Variants in POLR1A observed in about 807,000 individuals in gnomAD.
POLR1A encodes DNA-directed RNA polymerase I subunit RPA1.
In POLR1A, 84 loss-of-function variants were observed where a neutral mutation model predicts 205.3. That is an observed-to-expected ratio of 0.41 (90% confidence interval 0.34 to 0.49). The LOEUF (loss-of-function observed/expected upper bound fraction) is 0.49, where lower values mean the gene tolerates loss of function less well. Among genes scored for constraint, POLR1A ranks in the 20% least tolerant of loss-of-function variants. The pLI is 0.22. For missense variants in POLR1A, 1,645 were observed against 2,204.5 expected, an observed-to-expected ratio of 0.75 and a Z score of 5.08; for synonymous variants, 799 against 863.7, an observed-to-expected ratio of 0.93 and a Z score of 1.31.
At chr2:86,039,484 T>C (rs1672560941) in intron 25 of POLR1A, 22 bp from the exon 26 acceptor site, 1 of 1,613,860 alleles carries the variant, frequency 6.2e-7, no homozygotes, top group African/African-American at 1.3e-5. Context: ...TAAGGGCACA[T>C]CCAATCATGA....
At chr2:86,041,816 G>C in intron 24 of POLR1A, 73 bp downstream of exon 24, 3 of 1,305,096 alleles carry the variant, frequency 2.3e-6, no homozygotes, top group Non-Finnish European at 3.3e-6. Flanking sequence ...GAGTGAGTAG[G>C]GCAGGGGCTA....
At position 86,054,284 on chromosome 2, in the gene POLR1A, C is replaced by T. The variant is rs1051629016; in HGVS notation, c.2064G>A (p.Val688=). The change falls in exon 15 of 34, where the codon GTG becomes GTA. Residue 688 remains valine (V), a synonymous_variant. Transcript: ENST00000263857. ...PFPLWTGKQV[V]STLLINIIPE... ...GGATTATATTTATGAGCAGCGTTGA[C>T]ACAACCTGCAAAGAAAAAGAGGACA... is the stretch of plus-strand genomic sequence containing the variant. 1.2e-6 allele frequency: 2 copies of T among 1,613,782 alleles called. No individual in the cohort carries two copies. Among genetic ancestry groups the T allele is most frequent in the Non-Finnish European group, 1.7e-6 (2 of 1,179,766 alleles).
chr2:86,071,285 C>CCTCA (rs2104413956), intron 12 of POLR1A, among the ~76,000 whole-genome samples: 1 of 151,156 alleles, frequency 6.6e-6, no homozygotes, highest in South Asian at 2.1e-4. Context: ...GTGGTTGGAT[C>CCTCA]CTCACTAGGC....
chr2:86,098,749 C>T lies in POLR1A; in HGVS notation c.294G>A (p.Leu98=), dbSNP rs1468092948. ...AGTTTAAACAAGAGCCCCGAAGCAGCAGGTACAGCTTCTGAAGAGAGGGAA... is the reference window on the plus strand; with the variant it reads ...AGTTTAAACAAGAGCCCCGAAGCAGTAGGTACAGCTTCTGAAGAGAGGGAA... ...YNPLLFDKLY[L]LLRGSCLNCH... Residue 98 remains leucine, a synonymous_variant, in exon 3 of 34, where the codon CTG becomes CTA. Transcript: ENST00000263857. 1 of 1,613,896 alleles carries T rather than the reference C, an allele frequency of 6.2e-7. No individual in the cohort carries two copies. Among genetic ancestry groups the T allele is most frequent in the East Asian group, 2.2e-5 (1 of 44,870 alleles).
intron 14 of POLR1A, among the ~76,000 whole-genome samples, chr2:86,060,283 T>C (rs1174865502): frequency 6.6e-6 from 1 of 152,204 alleles, no homozygotes; most frequent in Admixed American, 6.5e-5. Context: ...TAGCAGGTAT[T>C]TGTGTGCACA....
At chr2:86,057,677 TTAAG>T (rs1237773589) in intron 14 of POLR1A, among the ~76,000 whole-genome samples, 19 of 152,268 alleles carry the variant, frequency 1.2e-4, no homozygotes, top group East Asian at 3.9e-4. Flanking sequence ...CTGGAAAACA[TTAAG>T]TAAAAGAAAT....
chr2:86,094,020 C>T (rs566407765), intron 3 of POLR1A, among the ~76,000 whole-genome samples: 1 of 152,294 alleles, frequency 6.6e-6, no homozygotes, highest in South Asian at 2.1e-4. Flanking sequence ...TGATCAGATT[C>T]GGCTAACACA....
At chr2:86,078,433 C>T (rs895912766) in intron 9 of POLR1A, 149 bp from the exon 10 acceptor site, 21 of 593,584 alleles carry the variant, frequency 3.5e-5, no homozygotes, top group Admixed American at 7.0e-5. Flanking sequence ...GACAAACATG[C>T]TAATAAATCA....
At chr2:86,033,527 G>A in intron 28 of POLR1A, 134 bp downstream of exon 28, 1 of 1,019,838 alleles carries the variant, frequency 9.8e-7, no homozygotes, top group Non-Finnish European at 1.4e-6. Flanking sequence ...CAGAACAGCA[G>A]GTAAAAGCTG....
intron 3 of POLR1A, among the ~76,000 whole-genome samples, chr2:86,097,264 G>C (rs1267776395): frequency 7.5e-6 from 1 of 132,932 alleles, no homozygotes; most frequent in Admixed American, 7.6e-5. Context: ...TGAGGATGTG[G>C]AGAAAAGGGA....
intron 13 of POLR1A, among the ~76,000 whole-genome samples, chr2:86,068,700 A>C (rs1474642963): frequency 6.6e-6 from 1 of 152,174 alleles, no homozygotes; most frequent in Non-Finnish European, 1.5e-5. Context: ...TTCTTCCTAC[A>C]TTTAGTCCCT....
At chr2:86,060,665 T>C (rs1264401163) in intron 14 of POLR1A, among the ~76,000 whole-genome samples, 2 of 152,126 alleles carry the variant, frequency 1.3e-5, no homozygotes, top group Non-Finnish European at 2.9e-5. Flanking sequence ...CTACCTCACT[T>C]CATGCACATC....
At chr2:86,038,488 G>A (rs766590201) in intron 27 of POLR1A, among the ~76,000 whole-genome samples, 33 of 152,196 alleles carry the variant, frequency 2.2e-4, no homozygotes, top group Non-Finnish European at 4.1e-4. Context: ...AGGGAGTGAC[G>A]TGTGGCTAAG....
In POLR1A at chr2:86,038,683, A is replaced by G. The variant is rs373662974; in HGVS notation, c.4034+17T>C. On this transcript the variant is annotated intron_variant, in intron 27 of 33. Coordinates refer to ENST00000263857, the MANE Select transcript of POLR1A (RefSeq NM_015425.6). ...CTCTGGGTCAAGGTCAATGACAATC[A>G]CAGCCTGAGCCCTGACCTTGTTTCC... The G allele has an allele frequency of 1.2e-6, 2 of 1,611,988 alleles. No individual in the cohort carries two copies.
At chr2:86,035,177 ATTATTTT>A (rs1243359183) in intron 27 of POLR1A, among the ~76,000 whole-genome samples, 1 of 152,164 alleles carries the variant, frequency 6.6e-6, no homozygotes, top group African/African-American at 2.4e-5. Flanking sequence ...AGACCCCAAT[ATTATTTT>A]TTAACTTTTT....
At chr2:86,060,222 G>T (rs1672971062) in intron 14 of POLR1A, among the ~76,000 whole-genome samples, 1 of 152,132 alleles carries the variant, frequency 6.6e-6, no homozygotes. Flanking sequence ...TAAATACGTT[G>T]ATTCTCCCTA....
Position 86,054,288 on chromosome 2 carries a change from A to G in POLR1A, c.2060T>C (p.Val687Ala), listed in dbSNP as rs1418331981. 6.2e-7 allele frequency: 1 copy of G among 1,613,698 alleles called. No individual in the cohort carries two copies. Among genetic ancestry groups the G allele is most frequent in the Admixed American group, 1.7e-5 (1 of 60,004 alleles). Residue 687 changes from valine (V) to alanine (A), a missense_variant and splice_region_variant, in exon 15 of 34, where the codon GTT becomes GCT. Val to Ala is a moderately conservative substitution (Grantham distance 64). Coordinates refer to ENST00000263857, the MANE Select transcript of POLR1A (RefSeq NM_015425.6). ...KPFPLWTGKQ[V>A]VSTLLINIIP... ...TATATTTATGAGCAGCGTTGACACA[A>G]CCTGCAAAGAAAAAGAGGACAAACT...
At chr2:86,067,376 C>T (rs1339648784) in intron 13 of POLR1A, among the ~76,000 whole-genome samples, 1 of 152,112 alleles carries the variant, frequency 6.6e-6, no homozygotes, top group East Asian at 1.9e-4. Context: ...AGTCAGGAAA[C>T]ATATCTGAAG....
chr2:86,084,762 G>T (rs1160208771), intron 6 of POLR1A, among the ~76,000 whole-genome samples: 1 of 150,208 alleles, frequency 6.7e-6, no homozygotes, highest in Non-Finnish European at 1.5e-5. Context: ...CGCCTCCCAG[G>T]TTCATGCGAT....
Sources: gnomAD v4.1 joint callset for allele counts (sites outside exome capture counted in the v4.1 genomes callset) on GRCh38, gnomAD v4.1.1 for gene constraint, MANE v1.5 for transcripts, NCBI Gene and HGNC (gene_info 2026-07-23, HGNC 2026-07-21) for gene names.